CNBD1: variants seen among roughly 807,000 people sequenced by gnomAD.
The protein encoded by CNBD1 is cyclic nucleotide binding domain containing 1.
A neutral mutation model predicts 54.4 loss-of-function variants in CNBD1; 71 were observed. The observed-to-expected ratio is 1.30, with a 90% CI of 1.08 to 1.59. CNBD1 has a LOEUF of 1.59. CNBD1 is among the 40% of genes most tolerant of loss of function. CNBD1 has a pLI of 0.00. For missense variants in CNBD1, 659 were observed against 518.0 expected, an observed-to-expected ratio of 1.27 and a Z score of -2.64; for synonymous variants, 182 against 170.7, an observed-to-expected ratio of 1.07 and a Z score of -0.51.
chr8:87,351,761 TA>T lies in CNBD1; in HGVS notation c.1120del (p.Ile374Ter). 3 of 1,513,852 alleles carry T rather than the reference TA, an allele frequency of 2.0e-6. No individual in the cohort carries two copies. The highest frequency in any genetic ancestry group is 2.6e-6 in the Non-Finnish European group (3 of 1,135,480). The allele number at this position is 1,513,852 out of a possible 1,614,324, so 93.8% of individuals were successfully genotyped here. A position where few individuals can be genotyped will look rare whatever the true frequency, so the allele number is the denominator to read the frequency against. ...GATGCTGTAACATTTATAGAAGTAT[TA>T]TAGGATTTGTGAAACTACGATCAAA... ...SGCCNIYRSI[I>X]GFVKLRSNKV... On this transcript the variant is annotated frameshift_variant, in exon 9 of 11. Transcript: ENST00000518476. LOFTEE classifies it high-confidence loss of function.
At chr8:87,168,306 T>G (rs1813008252) in intron 4 of CNBD1, among the ~76,000 whole-genome samples, 1 of 152,018 alleles carries the variant, frequency 6.6e-6, no homozygotes, top group African/African-American at 2.4e-5. Flanking sequence ...TATGGGTTCA[T>G]AGTAAAAGAA....
rs386413275 is a variant in CNBD1, at chr8:87,092,575, G to GTGTA, written c.432-113417_432-113416insGTAT. On this transcript the variant is annotated intron_variant, in intron 4 of 10. Coordinates refer to ENST00000518476, the MANE Select transcript of CNBD1 (RefSeq NM_173538.3). Reference sequence around the variant, plus strand: ...TATATATACACATATGTGTGTGTGTGTATATATATATGTATTTCCCCTCTC... The same window carrying GTGTA: ...TATATATACACATATGTGTGTGTGTGTGTATATATATATATGTATTTCCCCTCTC... Among the ~76,000 whole-genome samples the GTGTA allele has an allele frequency of 6.6e-3, 983 of 148,910 alleles. 12 individuals carry two copies. The highest frequency in any genetic ancestry group is 0.045 in the Middle Eastern group (13 of 290).
chr8:87,381,044 C>G (rs1334322916), intron 10 of CNBD1, among the ~76,000 whole-genome samples: 1 of 151,982 alleles, frequency 6.6e-6, no homozygotes, highest in Non-Finnish European at 1.5e-5. Flanking sequence ...AGTGAGACCA[C>G]ATCAAACTAG....
At chr8:86,956,997 A>C (rs991512357) in intron 4 of CNBD1, among the ~76,000 whole-genome samples, 8 of 152,198 alleles carry the variant, frequency 5.3e-5, no homozygotes, top group African/African-American at 1.9e-4. Flanking sequence ...ATTTTGAGAT[A>C]TGTCCCATCA....
At chr8:87,170,288 A>T (rs1813057928) in intron 4 of CNBD1, among the ~76,000 whole-genome samples, 1 of 151,888 alleles carries the variant, frequency 6.6e-6, no homozygotes. Context: ...TTTGTTTATC[A>T]GTTCTAATAG....
At chr8:87,205,527 A>T (rs1326159918) in intron 4 of CNBD1, among the ~76,000 whole-genome samples, 1 of 152,158 alleles carries the variant, frequency 6.6e-6, no homozygotes, top group Non-Finnish European at 1.5e-5. Context: ...TTTTCACTTA[A>T]CGATTTATAC....
chr8:87,319,788 C>T (rs1809480618), intron 8 of CNBD1, among the ~76,000 whole-genome samples: 1 of 151,750 alleles, frequency 6.6e-6, no homozygotes, highest in African/African-American at 2.4e-5. Context: ...ATTAACCATT[C>T]AAAAAAGCGT....
chr8:87,375,696 C>T (rs919004808), intron 10 of CNBD1, among the ~76,000 whole-genome samples: 3 of 151,752 alleles, frequency 2.0e-5, no homozygotes, highest in Non-Finnish European at 4.4e-5. Flanking sequence ...ACAAAACTTC[C>T]ATCTCTTATT....
At chr8:87,289,970 G>C (rs1269340947) in intron 8 of CNBD1, among the ~76,000 whole-genome samples, 1 of 151,850 alleles carries the variant, frequency 6.6e-6, no homozygotes, top group Non-Finnish European at 1.5e-5. Context: ...TTTTGTCTTG[G>C]ACAATATTTT....
chr8:87,354,492 G>A lies in CNBD1; in HGVS notation c.1303+706G>A, dbSNP rs975674721. On this transcript the variant is annotated intron_variant, in intron 10 of 10. Transcript: ENST00000518476. ...ACATATGTATACATGTGCCATGTTG[G>A]TGTGCTGCACCCATTAACTCGTCAT... Among the ~76,000 whole-genome samples the A allele has an allele frequency of 6.4e-4, 97 of 151,772 alleles. 1 individual carries two copies. The highest frequency in any genetic ancestry group is 8.1e-4 in the Non-Finnish European group (55 of 67,984).
intron 8 of CNBD1, among the ~76,000 whole-genome samples, chr8:87,303,799 T>A (rs547683637): frequency 3.4e-5 from 5 of 147,878 alleles, no homozygotes; most frequent in Non-Finnish European, 7.5e-5. Context: ...AGAAAAAAAA[T>A]AAACAACCCC....
chr8:87,290,136 ATTTCCATTTCCTCC>A (rs1808760416), intron 8 of CNBD1, among the ~76,000 whole-genome samples: 1 of 152,028 alleles, frequency 6.6e-6, no homozygotes, highest in Non-Finnish European at 1.5e-5. Flanking sequence ...ATGTAGCTCT[ATTTCCATTTCCTCC>A]TTTATATGTT....
intron 4 of CNBD1, among the ~76,000 whole-genome samples, chr8:87,045,497 G>T: frequency 1.3e-5 from 2 of 152,062 alleles, no homozygotes; most frequent in East Asian, 3.9e-4. Context: ...AGGCGGAGGC[G>T]GGCGGATCAC....
intron 2 of CNBD1, among the ~76,000 whole-genome samples, chr8:87,397,035 G>C (rs938402325): frequency 6.6e-6 from 1 of 151,428 alleles, no homozygotes. Flanking sequence ...TTTGGTTTTA[G>C]AGGCAAGCTT....
intron 4 of CNBD1, among the ~76,000 whole-genome samples, chr8:87,041,918 AAGC>A (rs1810080288): frequency 6.6e-6 from 1 of 152,222 alleles, no homozygotes; most frequent in Non-Finnish European, 1.5e-5. Flanking sequence ...GGAATAAAGA[AAGC>A]AGGGACACCA....
intron 5 of CNBD1, among the ~76,000 whole-genome samples, chr8:87,227,311 A>T (rs1462130183): frequency 6.9e-6 from 1 of 144,194 alleles, no homozygotes; most frequent in Non-Finnish European, 1.5e-5. Flanking sequence ...TTTGCTCGTT[A>T]GTTGATGCAG....
intron 1 of CNBD1, among the ~76,000 whole-genome samples, chr8:86,871,374 G>C (rs1808441132): frequency 6.6e-6 from 1 of 152,198 alleles, no homozygotes; most frequent in Non-Finnish European, 1.5e-5. Flanking sequence ...TCACAGAACT[G>C]ATCTCTGGTC....
intron 2 of CNBD1, among the ~76,000 whole-genome samples, chr8:86,899,823 C>A (rs1447169767): frequency 5.9e-5 from 9 of 152,148 alleles, no homozygotes; most frequent in Admixed American, 5.9e-4. Context: ...TCAGTGTGCA[C>A]CATCAAGCTA....
chr8:87,389,696 A>G (rs538429235), intron 2 of CNBD1, among the ~76,000 whole-genome samples: 110 of 152,308 alleles, frequency 7.2e-4, no homozygotes, highest in Admixed American at 1.7e-3. Flanking sequence ...TTATAGATTC[A>G]ATGCCATCCC....
Sources: gnomAD v4.1 joint callset for allele counts (sites outside exome capture counted in the v4.1 genomes callset) on GRCh38, gnomAD v4.1.1 for gene constraint, MANE v1.5 for transcripts, NCBI Gene and HGNC (gene_info 2026-07-23, HGNC 2026-07-21) for gene names.